Variants in PGRMC2 observed in about 807,000 individuals in gnomAD.
PGRMC2 encodes the protein membrane-associated progesterone receptor component 2.
In PGRMC2, 9 loss-of-function variants were observed where a neutral mutation model predicts 19.3. That is an observed-to-expected ratio of 0.47 (90% CI 0.28 to 0.81). The LOEUF (loss-of-function observed/expected upper bound fraction) is 0.81, where lower values mean the gene tolerates loss of function less well. PGRMC2 is among the 40% of genes least tolerant of loss of function. The pLI is 0.11. For synonymous variants in PGRMC2, 157 were observed against 124.6 expected (o/e 1.26, Z -1.73); for missense variants, 289 against 297.3 (o/e 0.97, Z 0.21).
chr4:128,275,710 A>T (rs574753248), intron 1 of PGRMC2, among the ~76,000 whole-genome samples: 5 of 152,272 alleles, frequency 3.3e-5, no homozygotes, highest in African/African-American at 1.2e-4. Context: ...TCTTTCCTGT[A>T]AGACCATTAA....
chr4:128,281,795 TAA>T (rs1340057013), intron 1 of PGRMC2, among the ~76,000 whole-genome samples: 1 of 152,218 alleles, frequency 6.6e-6, no homozygotes, highest in Non-Finnish European at 1.5e-5. Context: ...TCAACAGTGT[TAA>T]AGAGGTTTCT....
At chr4:128,277,261 C>T (rs191182885) in intron 1 of PGRMC2, among the ~76,000 whole-genome samples, 14 of 152,298 alleles carry the variant, frequency 9.2e-5, no homozygotes, top group East Asian at 3.9e-4. Context: ...GTCAATCCAA[C>T]TTGTGGTCAA....
intron 1 of PGRMC2, among the ~76,000 whole-genome samples, chr4:128,279,400 C>G (rs1760870049): frequency 6.6e-6 from 1 of 152,062 alleles, no homozygotes; most frequent in African/African-American, 2.4e-5. Context: ...AGCTTAATAC[C>G]ACGTTTTTGG....
In PGRMC2 at chr4:128,280,352, G is replaced by GAAAAAAAAAAAAAA. The variant is rs747302016; in HGVS notation, c.418+7020_418+7021insTTTTTTTTTTTTTT. ...GCAATAAGTAACAGCAAATTTTCTG[G>GAAAAAAAAAAAAAA]GAAAAAAAAAAAAAAAAAAAAAAGG... On this transcript the variant is annotated intron_variant, in intron 1 of 2. Transcript: ENST00000296425. 3.3e-5 allele frequency among the ~76,000 whole-genome samples: 2 copies of GAAAAAAAAAAAAAA among 60,540 alleles called. 1 individual carries two copies. 39.7% of individuals were successfully genotyped at this position (60,540 alleles called of 152,430 possible). A position where few individuals can be genotyped will look rare whatever the true frequency, so the allele number is the denominator to read the frequency against.
At chr4:128,281,167 T>C (rs72683960) in intron 1 of PGRMC2, among the ~76,000 whole-genome samples, 91 of 152,310 alleles carry the variant, frequency 6.0e-4, no homozygotes, top group Non-Finnish European at 1.0e-3. Flanking sequence ...AGTCTAATAG[T>C]GATACTGTGG....
chr4:128,274,515 G>GAAAAA (rs34809072), intron 1 of PGRMC2, among the ~76,000 whole-genome samples: 1 of 52,898 alleles, frequency 1.9e-5, no homozygotes, highest in African/African-American at 7.9e-5. Flanking sequence ...CTTCTCCAAA[G>GAAAAA]AAAAAAAAAA....
At position 128,272,253 on chromosome 4, in the gene PGRMC2, T is replaced by C. The variant is rs575179133; in HGVS notation, c.574+109A>G. On this transcript the variant is annotated intron_variant, in intron 2 of 2. Coordinates refer to ENST00000296425, the MANE Select transcript of PGRMC2 (RefSeq NM_006320.6). The stretch of plus-strand genomic sequence containing the variant: ...CTTTAAAAATATTATCAAATAATGA[T>C]GGCAATGAAAACGGATGACATCCTT... 244 of 613,790 alleles carry C rather than the reference T, an allele frequency of 4.0e-4. 1 individual carries two copies. Among genetic ancestry groups the C allele is most frequent in the Non-Finnish European group, 2.8e-5 (11 of 398,948 alleles). The allele number at this position is 613,790 out of a possible 1,614,324, so 38.0% of individuals were successfully genotyped here.
intron 1 of PGRMC2, chr4:128,287,011 A>C: frequency 2.7e-6 from 1 of 367,028 alleles, no homozygotes; most frequent in Non-Finnish European, 4.8e-6. Flanking sequence ...AGACTCAAAA[A>C]AGGTTAAGGG....
At chr4:128,274,012 G>GT (rs1458469814) in intron 1 of PGRMC2, among the ~76,000 whole-genome samples, 2 of 151,974 alleles carry the variant, frequency 1.3e-5, no homozygotes, top group African/African-American at 4.8e-5. Flanking sequence ...TTGCTACATC[G>GT]TATCACATGA....
chr4:128,275,253 G>A (rs1444342264), intron 1 of PGRMC2, among the ~76,000 whole-genome samples: 2 of 152,240 alleles, frequency 1.3e-5, no homozygotes, highest in East Asian at 3.9e-4. Context: ...GCACTTCAGA[G>A]TATAAGCCAT....
At chr4:128,274,336 C>A (rs542812195) in intron 1 of PGRMC2, among the ~76,000 whole-genome samples, 1 of 152,090 alleles carries the variant, frequency 6.6e-6, no homozygotes, top group Admixed American at 6.5e-5. Context: ...CATGGTGAAA[C>A]CTCATCTCTA....
chr4:128,287,601 C>A lies in PGRMC2; in HGVS notation c.190G>T (p.Val64Leu). 2 of 1,536,734 alleles carry A rather than the reference C, an allele frequency of 1.3e-6. No homozygotes were observed. Among genetic ancestry groups the A allele is most frequent in the Non-Finnish European group, 8.7e-7 (1 of 1,143,902 alleles). The change falls in exon 1 of 3, where the codon GTG (valine) becomes TTG (leucine). Residue 64 changes from valine to leucine, a missense_variant. By Grantham distance (32) the Val-to-Leu change is conservative (BLOSUM62 1). Coordinates refer to ENST00000296425, the MANE Select transcript of PGRMC2 (RefSeq NM_006320.6). ...MLLNVALVALVLLGAYRLWVR... is the reference protein window; with the variant it reads ...MLLNVALVALLLLGAYRLWVR... ...CACAGCCGGTAGGCCCCCAGCAGCA[C>A]CAGAGCCACCAGCGCCACGTTCAGC... is the stretch of plus-strand genomic sequence containing the variant.
intron 1 of PGRMC2, chr4:128,286,893 A>AAG (rs1554073227): frequency 1.1e-5 from 4 of 358,232 alleles, no homozygotes; most frequent in African/African-American, 6.4e-5. Context: ...AAAAAAAAAA[A>AAG]GGGGGCAAGG....
Position 128,287,773 on chromosome 4 carries a change from C to A in PGRMC2, c.18G>T (p.Gly6=). The change falls in exon 1 of 3, where the codon GGG becomes GGT. Residue 6 remains glycine, a synonymous_variant. Coordinates refer to ENST00000296425, the MANE Select transcript of PGRMC2 (RefSeq NM_006320.6). ...TCCCCAGGGTGCCTAGCTTCACGTC[C>A]CCATCACCAGCCGCCATCACTGCCC... The part of the protein sequence containing the change: MAAGD[G]DVKLGTLGSG... 6.8e-7 allele frequency: 1 copy of A among 1,477,302 alleles called. No homozygotes were observed. The highest frequency in any genetic ancestry group is 9.3e-7 in the Non-Finnish European group (1 of 1,077,588). The allele number at this position is 1,477,302 out of a possible 1,614,324, so 91.5% of individuals were successfully genotyped here. A position where few individuals can be genotyped will look rare whatever the true frequency, so the allele number is the denominator to read the frequency against.
At chr4:128,276,479 C>A (rs1343878351) in intron 1 of PGRMC2, among the ~76,000 whole-genome samples, 1 of 152,100 alleles carries the variant, frequency 6.6e-6, no homozygotes. Context: ...GCACCACGCC[C>A]AGCTAATTTT....
chr4:128,282,724 C>T (rs1760926957), intron 1 of PGRMC2, among the ~76,000 whole-genome samples: 1 of 152,212 alleles, frequency 6.6e-6, no homozygotes, highest in African/African-American at 2.4e-5. Flanking sequence ...AACTTTAGGA[C>T]ATCCATGAAG....
chr4:128,272,262 A>C (rs936261428), intron 2 of PGRMC2, 100 bp downstream of exon 2: 2 of 689,532 alleles, frequency 2.9e-6, no homozygotes, highest in Non-Finnish European at 4.3e-6. Context: ...ATGGCAATGA[A>C]AACGGATGAC....
intron 1 of PGRMC2, among the ~76,000 whole-genome samples, chr4:128,278,876 A>G (rs1760858448): frequency 1.3e-5 from 2 of 152,206 alleles, no homozygotes; most frequent in African/African-American, 4.8e-5. Context: ...TACTTTATAA[A>G]GAACACCTAA....
At chr4:128,272,599 AAAAAC>A in intron 1 of PGRMC2, 82 bp from the exon 2 acceptor site, 1 of 926,708 alleles carries the variant, frequency 1.1e-6, no homozygotes, top group Non-Finnish European at 1.4e-6. Flanking sequence ...AAAAAAAAAA[AAAAAC>A]ACAACAAAGA....
Sources: allele counts gnomAD v4.1 joint callset (sites outside exome capture counted in the v4.1 genomes callset), GRCh38; gene constraint gnomAD v4.1.1; transcripts MANE v1.5; gene names NCBI Gene and HGNC (gene_info 2026-07-23, HGNC 2026-07-21).